LMAN1L: variants seen among roughly 807,000 people sequenced by gnomAD.
LMAN1L encodes lectin, mannose binding 1 like, also known as protein ERGIC-53-like.
In LMAN1L, 60 loss-of-function variants were observed where a neutral mutation model predicts 58.3. The ratio of observed to expected loss-of-function variants is 1.03; its 90% CI spans 0.84 to 1.27. The LOEUF (loss-of-function observed/expected upper bound fraction) is 1.27. LMAN1L is among the 50% of genes most tolerant of loss of function. The probability of loss-of-function intolerance (pLI) is 0.00; values close to 1 mark genes in which losing one functional copy is unlikely to be tolerated. For missense variants in LMAN1L, 629 were observed against 674.0 expected (o/e 0.93, Z 0.74); for synonymous variants, 280 against 271.6 (o/e 1.03, Z -0.31).
In LMAN1L at chr15:74,825,667, T is replaced by C; in HGVS notation, c.*62T>C. The C allele has an allele frequency of 6.4e-7, 1 of 1,551,342 alleles. No individual in the cohort carries two copies. Among genetic ancestry groups the C allele is most frequent in the Non-Finnish European group, 8.8e-7 (1 of 1,138,914 alleles). On this transcript the variant is annotated 3_prime_UTR_variant, in exon 14 of 14. Coordinates refer to ENST00000309664, the MANE Select transcript of LMAN1L (RefSeq NM_021819.3). The stretch of plus-strand genomic sequence containing the variant: ...GGCAGTGTCTTGGGTGGGGGCTTGG[T>C]CAGTATCCTCTCCGTCTGGGTGCCC...
rs762806742 is a variant in LMAN1L at position 74,825,626 on chromosome 15, G to C, written c.*21G>C. ...CCTGACCCACCTCAGAGCCTGCTTT[G>C]CATCACTGGGAAGCAGGCAGTGTCT... On this transcript the variant is annotated 3_prime_UTR_variant, in exon 14 of 14. Coordinates refer to ENST00000309664, the MANE Select transcript of LMAN1L (RefSeq NM_021819.3). The C allele has an allele frequency of 2.5e-6, 4 of 1,599,554 alleles. No individual in the cohort carries two copies. The African/African-American group carries it at 4.0e-5, about 16-fold the overall frequency.
In LMAN1L at chr15:74,823,544, A is replaced by G. The variant is rs561612531; in HGVS notation, c.1200-15A>G. The stretch of plus-strand genomic sequence containing the variant: ...AGGTAATGAGTCATCTTACTTGGTT[A>G]CCACCCCCGGTTAGGGATGCAGCTG... On this transcript the variant is annotated splice_polypyrimidine_tract_variant and intron_variant, in intron 11 of 13. Coordinates refer to ENST00000309664, the MANE Select transcript of LMAN1L (RefSeq NM_021819.3). The G allele has an allele frequency of 1.2e-6, 2 of 1,613,344 alleles. No individual in the cohort carries two copies. The highest frequency in any genetic ancestry group is 1.7e-4 in the Middle Eastern group (1 of 6,056).
At chr15:74,825,373 T>C (rs893626990) in intron 13 of LMAN1L, 103 bp from the exon 14 acceptor site, 10 of 1,247,210 alleles carry the variant, frequency 8.0e-6, no homozygotes, top group African/African-American at 1.5e-5. Flanking sequence ...ACAGCGGAGG[T>C]TGTGGTGCAG....
At position 74,821,891 on chromosome 15, in the gene LMAN1L, A is replaced by T. The variant is rs761698840; in HGVS notation, c.1122A>T (p.Ser374=). The change falls in exon 10 of 14, where the codon TCA becomes TCT. Residue 374 remains serine, a synonymous_variant. Coordinates refer to ENST00000309664, the MANE Select transcript of LMAN1L (RefSeq NM_021819.3). ...GGAGGGGTGGCCACCTCTCCATGTC[A>T]CTCAATAAGGTAGGGACCCAAACAC... is the stretch of plus-strand genomic sequence containing the variant. ...TPGRGGHLSM[S]LNKDSAKVGA... is the part of the protein sequence containing the mutation. 3.7e-6 allele frequency: 6 copies of T among 1,608,296 alleles called. No individual in the cohort carries two copies. The South Asian group carries it at 5.5e-5, about 15-fold the overall frequency.
chr15:74,819,325 C>T (rs560910395), intron 6 of LMAN1L, 53 bp downstream of exon 6: 7 of 1,594,296 alleles, frequency 4.4e-6, no homozygotes, highest in East Asian at 4.5e-5. Context: ...GAATAAATCA[C>T]CCTCAGCACA....
chr15:74,817,977 C>T (rs1176798092), intron 4 of LMAN1L, among the ~76,000 whole-genome samples: 2 of 148,624 alleles, frequency 1.3e-5, no homozygotes, highest in Non-Finnish European at 1.5e-5. Flanking sequence ...CGCGCCACTG[C>T]ACTCCAGCCA....
At chr15:74,813,139 G>A (rs985121414) in intron 1 of LMAN1L, 110 bp downstream of exon 1, 90 of 1,246,246 alleles carry the variant, frequency 7.2e-5, no homozygotes, top group Non-Finnish European at 9.7e-5. Flanking sequence ...TCCAGGGTGG[G>A]GCAAGGCCTG....
chr15:74,816,242 C>A lies in LMAN1L; in HGVS notation c.261C>A (p.Pro87=). 6.2e-7 allele frequency: 1 copy of A among 1,603,034 alleles called. No individual in the cohort carries two copies. Residue 87 remains proline, a synonymous_variant, in exon 2 of 14, where the codon CCC becomes CCA. Coordinates refer to ENST00000309664, the MANE Select transcript of LMAN1L (RefSeq NM_021819.3). Reference sequence around the variant, plus strand: ...CCGTGTGGAGCAGGGCCTCTGTCCCCTTCTCTGCCTGGGAAGTAGAGGTGC... The same window carrying A: ...CCGTGTGGAGCAGGGCCTCTGTCCCATTCTCTGCCTGGGAAGTAGAGGTGC... ...SGAVWSRASV[P]FSAWEVEVQM...
At chr15:74,818,840 G>C (rs372225208) in intron 5 of LMAN1L, 23 bp downstream of exon 5, 512 of 1,579,744 alleles carry the variant, frequency 3.2e-4, no homozygotes, top group Non-Finnish European at 4.0e-4. Flanking sequence ...TCCTGCTTCT[G>C]ACAGGGCTCT....
chr15:74,820,047 A>G lies in LMAN1L; in HGVS notation c.722A>G (p.Asp241Gly), dbSNP rs2063909352. Residue 241 changes from aspartate (D) to glycine (G), a missense_variant, in exon 7 of 14, where the codon GAT (aspartate) becomes GGT (glycine). Around this residue, in one of 3 missense-constraint regions of LMAN1L, gnomAD observed 573 missense variants for 597.3 expected, o/e 0.96. Coordinates refer to ENST00000309664, the MANE Select transcript of LMAN1L (RefSeq NM_021819.3). ...VSAATGTLAD[D>G]HDVLSFLTFS... ...TCCTTCATCTGTCCCCTTCCAGATG[A>G]TCATGATGTCCTGTCCTTCCTGACC... 1.2e-6 allele frequency: 2 copies of G among 1,613,866 alleles called. No individual in the cohort carries two copies. The highest frequency in any genetic ancestry group is 1.7e-6 in the Non-Finnish European group (2 of 1,179,900).
intron 1 of LMAN1L, among the ~76,000 whole-genome samples, chr15:74,813,858 G>A (rs1005439600): frequency 2.0e-5 from 3 of 152,164 alleles, no homozygotes; most frequent in African/African-American, 7.2e-5. Context: ...CAGGTGCAGT[G>A]GCTCACGCCT....
At chr15:74,823,236 T>A (rs2063925045) in intron 11 of LMAN1L, among the ~76,000 whole-genome samples, 1 of 152,044 alleles carries the variant, frequency 6.6e-6, no homozygotes, top group Non-Finnish European at 1.5e-5. Context: ...CACACACAGC[T>A]AGATGCCTAG....
chr15:74,815,270 TG>T (rs1416050205), intron 1 of LMAN1L, among the ~76,000 whole-genome samples: 4 of 152,152 alleles, frequency 2.6e-5, no homozygotes, highest in Admixed American at 6.5e-5. Context: ...CCCCCATCCC[TG>T]GCCTTTATAG....
intron 1 of LMAN1L, among the ~76,000 whole-genome samples, chr15:74,813,729 T>C (rs2063876280): frequency 6.6e-6 from 1 of 152,218 alleles, no homozygotes; most frequent in Non-Finnish European, 1.5e-5. Context: ...ACATATGCTG[T>C]GAGGTCTGTC....
chr15:74,818,078 G>T (rs1449218561), intron 4 of LMAN1L, among the ~76,000 whole-genome samples: 1 of 151,814 alleles, frequency 6.6e-6, no homozygotes, highest in East Asian at 1.9e-4. Context: ...GAGGGTGATA[G>T]GTGGGTCGGG....
chr15:74,820,598 T>C (rs1198484784), intron 7 of LMAN1L, 37 bp from the exon 8 acceptor site: 16 of 1,611,764 alleles, frequency 9.9e-6, no homozygotes, highest in Non-Finnish European at 1.4e-5. Flanking sequence ...GGATCTCCCA[T>C]GGGTTTGGGG....
chr15:74,818,085 C>T (rs117160809), intron 4 of LMAN1L, among the ~76,000 whole-genome samples: 3,359 of 151,094 alleles, frequency 0.022, 61 homozygotes, highest in East Asian at 0.068. Context: ...ATAGGTGGGT[C>T]GGGGGAATGG....
chr15:74,817,881 C>T (rs1198664166), intron 4 of LMAN1L, among the ~76,000 whole-genome samples: 1 of 151,742 alleles, frequency 6.6e-6, no homozygotes, highest in Non-Finnish European at 1.5e-5. Context: ...GGTGTGGTGG[C>T]GAGCACCTGT....
chr15:74,824,729 G>A (rs773460630), intron 13 of LMAN1L: 27 of 412,526 alleles, frequency 6.5e-5, no homozygotes, highest in Non-Finnish European at 1.0e-4. Flanking sequence ...ACCCTGTGTC[G>A]TCAATGCCAT....
Sources: allele counts gnomAD v4.1 joint callset (sites outside exome capture counted in the v4.1 genomes callset), GRCh38; gene constraint gnomAD v4.1.1; regional missense constraint gnomAD v4.1.1; transcripts MANE v1.5; gene names NCBI Gene and HGNC (gene_info 2026-07-23, HGNC 2026-07-21).